The following EPB41L5 variants were observed in gnomAD, a reference collection of about 807,000 sequenced individuals.
EPB41L5 encodes the protein band 4.1-like protein 5.
Under a neutral mutation model 106.6 loss-of-function variants are expected in EPB41L5, and 55 were observed. The ratio of observed to expected loss-of-function variants is 0.52; its 90% CI spans 0.42 to 0.65. The LOEUF is 0.65. Among genes scored for constraint, EPB41L5 ranks in the 30% least tolerant of loss-of-function variants. EPB41L5 has a pLI of 0.00. For synonymous variants in EPB41L5, 297 were observed against 306.7 expected, an observed-to-expected ratio of 0.97 and a Z score of 0.33; for missense variants, 871 against 882.1, an observed-to-expected ratio of 0.99 and a Z score of 0.16.
In EPB41L5 at chr2:120,104,165, T is replaced by C. The variant is rs996178796; in HGVS notation, c.1337+3351T>C. On this transcript the variant is annotated intron_variant, in intron 16 of 24. Coordinates refer to ENST00000263713, the MANE Select transcript of EPB41L5 (RefSeq NM_020909.4). The stretch of plus-strand genomic sequence containing the variant: ...ATAGAAACTACACTGACTTTGTTCA[T>C]GAGCACAATGTGAAGAATGCAGGAA... 28 of 1,535,922 alleles carry C rather than the reference T, an allele frequency of 1.8e-5. No individual in the cohort carries two copies. In the African/African-American group the frequency reaches 3.0e-4, roughly 17 times the overall value.
At chr2:120,013,670 A>G (rs1677300643) in intron 1 of EPB41L5, 1 of 152,184 alleles carries the variant, frequency 6.6e-6, no homozygotes, top group Non-Finnish European at 1.5e-5. Context: ...TCTCTTGGGA[A>G]AGGAGAGGCA....
At chr2:120,131,525 T>A (rs1346935003) in intron 17 of EPB41L5, 93 bp from the exon 18 acceptor site, 1 of 749,888 alleles carries the variant, frequency 1.3e-6, no homozygotes, top group Non-Finnish European at 2.3e-6. Flanking sequence ...TGATAACTGA[T>A]GTTGAGAAGA....
intron 3 of EPB41L5, among the ~76,000 whole-genome samples, chr2:120,068,535 C>T (rs1323088519): frequency 6.6e-6 from 1 of 152,154 alleles, no homozygotes; most frequent in Non-Finnish European, 1.5e-5. Context: ...GGGCGTCCGC[C>T]GTTACTGAGG....
chr2:120,084,224 G>A, intron 10 of EPB41L5, among the ~76,000 whole-genome samples: 1 of 152,156 alleles, frequency 6.6e-6, no homozygotes, highest in Non-Finnish European at 1.5e-5. Flanking sequence ...TAGCATCGAT[G>A]GTCTTTACAA....
intron 16 of EPB41L5, among the ~76,000 whole-genome samples, chr2:120,116,705 T>A (rs1363887274): frequency 6.6e-6 from 1 of 152,066 alleles, no homozygotes; most frequent in Non-Finnish European, 1.5e-5. Flanking sequence ...TTTTTTTTAT[T>A]TTTTGTAGAG....
intron 18 of EPB41L5, among the ~76,000 whole-genome samples, chr2:120,137,753 C>T (rs540580083): frequency 6.6e-6 from 1 of 152,214 alleles, no homozygotes. Context: ...GATGGCTTCA[C>T]TGCTGAATTT....
intron 16 of EPB41L5, among the ~76,000 whole-genome samples, chr2:120,113,317 T>G (rs538717326): frequency 6.6e-6 from 1 of 152,356 alleles, no homozygotes; most frequent in African/African-American, 2.4e-5. Context: ...GTAACATTGC[T>G]TTTCTTAGCT....
At chr2:120,145,614 T>C (rs1483583528) in intron 19 of EPB41L5, among the ~76,000 whole-genome samples, 1 of 152,136 alleles carries the variant, frequency 6.6e-6, no homozygotes, top group Admixed American at 6.5e-5. Context: ...TGTATGCCTT[T>C]AAAAAAATTT....
At chr2:120,013,340 C>T (rs1038362054) in intron 1 of EPB41L5, 130 bp downstream of exon 1, 2 of 152,126 alleles carry the variant, frequency 1.3e-5, no homozygotes, top group African/African-American at 4.8e-5. Flanking sequence ...GCACCCAGAC[C>T]CTAGGGCGGC....
At chr2:120,030,890 T>C (rs1678661630) in intron 2 of EPB41L5, among the ~76,000 whole-genome samples, 1 of 151,696 alleles carries the variant, frequency 6.6e-6, no homozygotes, top group Non-Finnish European at 1.5e-5. Flanking sequence ...AATTAATTTA[T>C]TTAGAGACAG....
chr2:120,146,268 T>A lies in EPB41L5; in HGVS notation c.1772T>A (p.Val591Asp). The change falls in exon 20 of 25, where the codon GTT becomes GAT. Residue 591 changes from valine to aspartate, a missense_variant. Physicochemically the swap from Val to Asp is radical, Grantham distance 152. Coordinates refer to ENST00000263713, the MANE Select transcript of EPB41L5 (RefSeq NM_020909.4). ...TTATTAAGTCATAAAAATGCCAATG[T>A]TCAGGATGCTGCCACAAACAGGTAC... Reference protein sequence around the residue: ...DSLLSHKNANVQDAATNSAVL... With the variant: ...DSLLSHKNANDQDAATNSAVL... The A allele has an allele frequency of 6.2e-7, 1 of 1,609,990 alleles. No homozygotes were observed. The highest frequency in any genetic ancestry group is 8.5e-7 in the Non-Finnish European group (1 of 1,176,534).
intron 16 of EPB41L5, among the ~76,000 whole-genome samples, chr2:120,111,078 C>T (rs1443182201): frequency 6.6e-6 from 1 of 152,140 alleles, no homozygotes; most frequent in East Asian, 1.9e-4. Context: ...TCAGGTTTCA[C>T]TAGTCTTTCC....
At chr2:120,067,691 C>T (rs1441839507) in intron 3 of EPB41L5, among the ~76,000 whole-genome samples, 2 of 152,160 alleles carry the variant, frequency 1.3e-5, no homozygotes, top group African/African-American at 4.8e-5. Flanking sequence ...TGAGAAAGAT[C>T]TAATTTTACT....
At chr2:120,057,745 C>CT (rs5833813) in intron 3 of EPB41L5, among the ~76,000 whole-genome samples, 103,716 of 150,116 alleles carry the variant, frequency 0.69, 37,022 homozygotes, top group Non-Finnish European at 0.79. Flanking sequence ...TAGGGAAACA[C>CT]TTTTTTTTTG....
At chr2:120,168,368 G>C (rs889484939) in intron 24 of EPB41L5, among the ~76,000 whole-genome samples, 1 of 152,176 alleles carries the variant, frequency 6.6e-6, no homozygotes, top group African/African-American at 2.4e-5. Context: ...CAGGTGAAGA[G>C]GTGCAGTATA....
In EPB41L5 at chr2:120,051,294, G is replaced by A. The variant is rs56842264; in HGVS notation, c.285+9184G>A. Among the ~76,000 whole-genome samples, 1,163 of 152,288 alleles carry A rather than the reference G, an allele frequency of 7.6e-3. 12 individuals carry two copies. Among genetic ancestry groups the A allele is most frequent in the African/African-American group, 0.027 (1,102 of 41,560 alleles). The stretch of plus-strand genomic sequence containing the variant: ...CAGGCAGGCCTCCTTGAGCTGCGGT[G>A]GGCTCCACCCAGTTCAAGCTTCCTA... On this transcript the variant is annotated intron_variant, in intron 3 of 24. Coordinates refer to ENST00000263713, the MANE Select transcript of EPB41L5 (RefSeq NM_020909.4).
At chr2:120,070,457 G>A (rs1293165427) in intron 3 of EPB41L5, among the ~76,000 whole-genome samples, 1 of 152,180 alleles carries the variant, frequency 6.6e-6, no homozygotes, top group Non-Finnish European at 1.5e-5. Context: ...TAGGAAAAGA[G>A]GGACGCCTCC....
At chr2:120,069,128 C>CAAAAAAAAA (rs539813602) in intron 3 of EPB41L5, among the ~76,000 whole-genome samples, 32 of 79,548 alleles carry the variant, frequency 4.0e-4, no homozygotes, top group South Asian at 9.8e-4. Context: ...AACTCTGTCT[C>CAAAAAAAAA]AAAAAAAAAA....
At chr2:120,149,649 T>C (rs1686579483) in intron 20 of EPB41L5, among the ~76,000 whole-genome samples, 1 of 152,238 alleles carries the variant, frequency 6.6e-6, no homozygotes, top group South Asian at 2.1e-4. Context: ...GACATTTAGA[T>C]TGTTTCCACC....
Sources: gnomAD v4.1 joint callset for allele counts (sites outside exome capture counted in the v4.1 genomes callset) on GRCh38, gnomAD v4.1.1 for gene constraint, MANE v1.5 for transcripts, NCBI Gene and HGNC (gene_info 2026-07-23, HGNC 2026-07-21) for gene names.